The following ASAP2 variants were observed in gnomAD, a reference collection of about 807,000 sequenced individuals.
The protein encoded by ASAP2 is arf-GAP with SH3 domain, ANK repeat and PH domain-containing protein 2.
ASAP2 carries 45 observed loss-of-function variants against 131.4 expected under a neutral mutation model. That is an observed-to-expected ratio of 0.34 (90% CI 0.27 to 0.44). The LOEUF is 0.44. ASAP2 is among the 20% of genes least tolerant of loss of function. The pLI is 1.00. For missense variants in ASAP2, 1,011 were observed against 1,297.0 expected, an observed-to-expected ratio of 0.78 and a Z score of 3.39; for synonymous variants, 510 against 503.0, an observed-to-expected ratio of 1.01 and a Z score of -0.19.
At position 9,393,523 on chromosome 2, in the gene ASAP2, C is replaced by G; in HGVS notation, c.2560C>G (p.Pro854Ala). 1 of 1,605,050 alleles carries G rather than the reference C, an allele frequency of 6.2e-7. No individual in the cohort carries two copies. Among genetic ancestry groups the G allele is most frequent in the East Asian group, 2.3e-5 (1 of 44,442 alleles). The change falls in exon 24 of 28, where the codon CCC (proline) becomes GCC (alanine). Residue 854 changes from proline (P) to alanine (A), a missense_variant. Coordinates refer to ENST00000281419, the MANE Select transcript of ASAP2 (RefSeq NM_003887.3). ...GCCGCCCCCACCCGTTGCCAAGACG[C>G]CCAGCGTAATGGAAGCCTTGAGCCA... ...PTPPPPVAKTPSVMEALSQPS... is the reference protein window; with the variant it reads ...PTPPPPVAKTASVMEALSQPS...
intron 1 of ASAP2, among the ~76,000 whole-genome samples, chr2:9,249,289 G>A (rs1664545797): frequency 6.6e-6 from 1 of 152,224 alleles, no homozygotes; most frequent in Admixed American, 6.5e-5. Flanking sequence ...AACTTTGTCT[G>A]TGGCTCAGCC....
At chr2:9,336,751 C>T (rs1020955730) in intron 9 of ASAP2, among the ~76,000 whole-genome samples, 19 of 152,150 alleles carry the variant, frequency 1.2e-4, no homozygotes, top group African/African-American at 4.3e-4. Flanking sequence ...AAAAACTTGG[C>T]GTAAGGAGAA....
At chr2:9,352,681 G>A (rs916779245) in intron 12 of ASAP2, among the ~76,000 whole-genome samples, 8 of 152,202 alleles carry the variant, frequency 5.3e-5, no homozygotes, top group South Asian at 2.1e-4. Context: ...GCCCTTACAC[G>A]TGTGGGAATG....
chr2:9,399,923 A>G, intron 24 of ASAP2, 100 bp from the exon 25 acceptor site: 1 of 1,238,392 alleles, frequency 8.1e-7, no homozygotes, highest in Non-Finnish European at 1.2e-6. Flanking sequence ...CACCTCACAC[A>G]CTCTGAGCTT....
intron 1 of ASAP2, among the ~76,000 whole-genome samples, chr2:9,260,370 T>C (rs1004503336): frequency 1.3e-5 from 2 of 152,124 alleles, no homozygotes; most frequent in African/African-American, 4.8e-5. Context: ...CTTCGGGCCC[T>C]CCCTCAGCTC....
chr2:9,343,149 C>A (rs1232069110), intron 9 of ASAP2, among the ~76,000 whole-genome samples: 1 of 152,306 alleles, frequency 6.6e-6, no homozygotes, highest in South Asian at 2.1e-4. Context: ...GAAGGAGCCT[C>A]AGAGTGGAAG....
intron 11 of ASAP2, among the ~76,000 whole-genome samples, chr2:9,346,103 G>A (rs183541705): frequency 6.6e-6 from 1 of 152,120 alleles, no homozygotes; most frequent in Non-Finnish European, 1.5e-5. Context: ...CCCTGCCCCC[G>A]CGACCCCAGG....
chr2:9,265,731 G>A (rs188330532), intron 1 of ASAP2, among the ~76,000 whole-genome samples: 2 of 152,062 alleles, frequency 1.3e-5, no homozygotes, highest in African/African-American at 2.4e-5. Context: ...GTGTGTGTCT[G>A]TGCGTGTAAT....
At chr2:9,208,731 G>A (rs75101012) in intron 1 of ASAP2, among the ~76,000 whole-genome samples, 2 of 152,170 alleles carry the variant, frequency 1.3e-5, no homozygotes, top group African/African-American at 4.8e-5. Context: ...ATGGGGATGG[G>A]TGAATGAAAT....
chr2:9,371,288 G>C (rs78444842), intron 16 of ASAP2, among the ~76,000 whole-genome samples: 2,496 of 152,208 alleles, frequency 0.016, 64 homozygotes, highest in African/African-American at 0.057. Context: ...TGCTCCTATA[G>C]CATTTGGCTC....
rs778928416 is a variant in ASAP2 at position 9,401,412 on chromosome 2, G to T, written c.2946+16G>T. ...GGAGTGGTGGGTGAGTCAAGGGTGG[G>T]CCTGGGAGGTTCCTGGGGGCTGAGC... On this transcript the variant is annotated intron_variant, in intron 27 of 27. Coordinates refer to ENST00000281419, the MANE Select transcript of ASAP2 (RefSeq NM_003887.3). 6.2e-7 allele frequency: 1 copy of T among 1,611,600 alleles called. No homozygotes were observed. Among genetic ancestry groups the T allele is most frequent in the Admixed American group, 1.7e-5 (1 of 59,838 alleles).
At chr2:9,227,786 A>G (rs568457403) in intron 1 of ASAP2, among the ~76,000 whole-genome samples, 49 of 152,224 alleles carry the variant, frequency 3.2e-4, no homozygotes, top group Admixed American at 4.6e-4. Context: ...CAAAGATTCT[A>G]TGTGCTTAGA....
intron 24 of ASAP2, chr2:9,399,721 C>G: frequency 2.2e-6 from 1 of 451,196 alleles, no homozygotes; most frequent in Non-Finnish European, 4.0e-6. Context: ...TGAGCAGACT[C>G]GGGGCGGGGC....
intron 3 of ASAP2, among the ~76,000 whole-genome samples, chr2:9,310,608 A>C (rs1432224771): frequency 6.6e-6 from 1 of 152,224 alleles, no homozygotes; most frequent in Non-Finnish European, 1.5e-5. Flanking sequence ...CTAAGTCAGA[A>C]GGCAGCACTG....
chr2:9,304,442 G>C (rs943407890), intron 3 of ASAP2, among the ~76,000 whole-genome samples: 2 of 151,298 alleles, frequency 1.3e-5, no homozygotes, highest in Admixed American at 6.6e-5. Context: ...ATGTAGATAG[G>C]GGGTGGAAGG....
intron 6 of ASAP2, among the ~76,000 whole-genome samples, chr2:9,323,661 C>T (rs1670297869): frequency 6.6e-6 from 1 of 152,116 alleles, no homozygotes; most frequent in African/African-American, 2.4e-5. Flanking sequence ...TGGCCTGTGT[C>T]AGTGTCTGTG....
intron 1 of ASAP2, among the ~76,000 whole-genome samples, chr2:9,247,336 C>A (rs544173079): frequency 6.6e-6 from 1 of 152,164 alleles, no homozygotes; most frequent in South Asian, 2.1e-4. Flanking sequence ...TGGAACTGCT[C>A]CCAGTCCGCA....
At chr2:9,260,169 G>T (rs952918416) in intron 1 of ASAP2, among the ~76,000 whole-genome samples, 3 of 152,212 alleles carry the variant, frequency 2.0e-5, no homozygotes, top group Non-Finnish European at 4.4e-5. Context: ...AGCTATTACT[G>T]CCCGCATTTT....
chr2:9,259,403 G>A (rs1350887168), intron 1 of ASAP2, among the ~76,000 whole-genome samples: 5 of 152,108 alleles, frequency 3.3e-5, no homozygotes, highest in Admixed American at 1.3e-4. Context: ...GTCTGCCCCC[G>A]CTTCCTGCGC....
Sources: allele counts gnomAD v4.1 joint callset (sites outside exome capture counted in the v4.1 genomes callset), GRCh38; gene constraint gnomAD v4.1.1; transcripts MANE v1.5; gene names NCBI Gene and HGNC (gene_info 2026-07-23, HGNC 2026-07-21).